EIF2B3: variants seen among roughly 807,000 people sequenced by gnomAD.
EIF2B3 encodes eukaryotic translation initiation factor 2B subunit gamma, also known as translation initiation factor eIF2B subunit gamma.
A neutral mutation model predicts 54.1 loss-of-function variants in EIF2B3; 20 were observed. The ratio of observed to expected loss-of-function variants is 0.37; its 90% confidence interval spans 0.26 to 0.54. The LOEUF is 0.54. Among genes scored for constraint, EIF2B3 ranks in the 20% least tolerant of loss-of-function variants. The probability of loss-of-function intolerance (pLI) is 0.86; values close to 1 mark genes in which losing one functional copy is unlikely to be tolerated. For synonymous variants in EIF2B3, 153 were observed against 188.1 expected (o/e 0.81, Z 1.52); for missense variants, 448 against 547.8 (o/e 0.82, Z 1.82).
chr1:44,908,341 A>G (rs1439860329), intron 5 of EIF2B3, among the ~76,000 whole-genome samples: 1 of 152,230 alleles, frequency 6.6e-6, no homozygotes, highest in Non-Finnish European at 1.5e-5. Flanking sequence ...TATATAGGGG[A>G]GCACAAAGGA....
chr1:44,977,085 TA>T (rs1426566714), intron 3 of EIF2B3, among the ~76,000 whole-genome samples: 11 of 152,186 alleles, frequency 7.2e-5, no homozygotes, highest in African/African-American at 2.7e-4. Flanking sequence ...CGGTTGAAAA[TA>T]ACACATCCGT....
At chr1:44,927,341 AG>A (rs1338453271) in intron 4 of EIF2B3, among the ~76,000 whole-genome samples, 1 of 152,136 alleles carries the variant, frequency 6.6e-6, no homozygotes, top group African/African-American at 2.4e-5. Context: ...TCATGGCAGA[AG>A]GTAAAGCGAG....
At chr1:44,882,637 G>C (rs1353341576) in intron 6 of EIF2B3, among the ~76,000 whole-genome samples, 2 of 147,150 alleles carry the variant, frequency 1.4e-5, no homozygotes, top group Non-Finnish European at 3.0e-5. Context: ...TTTTTTTTGA[G>C]ACAGTCTTGC....
intron 11 of EIF2B3, among the ~76,000 whole-genome samples, chr1:44,853,348 C>T (rs1348912567): frequency 6.6e-6 from 1 of 152,036 alleles, no homozygotes; most frequent in Non-Finnish European, 1.5e-5. Flanking sequence ...TGGTGGCTCG[C>T]TCCTGCAATC....
chr1:44,984,795 A>ATTTTTTTTTTTTTTTTTTTTTTTTT (rs1557718636), intron 1 of EIF2B3, among the ~76,000 whole-genome samples: 1 of 80,444 alleles, frequency 1.2e-5, no homozygotes, highest in Non-Finnish European at 2.1e-5. Flanking sequence ...AATAATGTCC[A>ATTTTTTTTTTTTTTTTTTTTTTTTT]TCTTTTTTTT....
chr1:44,914,404 G>A (rs1362385228), intron 5 of EIF2B3, among the ~76,000 whole-genome samples: 3 of 151,920 alleles, frequency 2.0e-5, no homozygotes, highest in Non-Finnish European at 4.4e-5. Flanking sequence ...CAGGTGATCC[G>A]TCCACCTCGG....
intron 8 of EIF2B3, among the ~76,000 whole-genome samples, chr1:44,878,344 C>T (rs946801721): frequency 2.0e-5 from 3 of 152,108 alleles, no homozygotes; most frequent in Non-Finnish European, 4.4e-5. Context: ...CTTACTGCAA[C>T]CTCCACCTAT....
chr1:44,961,309 C>T (rs866333861), intron 3 of EIF2B3, among the ~76,000 whole-genome samples: 26 of 139,270 alleles, frequency 1.9e-4, no homozygotes, highest in Admixed American at 4.4e-4. Flanking sequence ...AGAGTGAGAC[C>T]CTGTCTCAAA....
At chr1:44,939,579 T>A (rs559826908) in intron 4 of EIF2B3, among the ~76,000 whole-genome samples, 21 of 152,308 alleles carry the variant, frequency 1.4e-4, no homozygotes, top group African/African-American at 2.6e-4. Context: ...CTGTTTAATT[T>A]AATTATTCCA....
chr1:44,898,628 G>A (rs1443354534), intron 5 of EIF2B3, among the ~76,000 whole-genome samples: 1 of 152,046 alleles, frequency 6.6e-6, no homozygotes, highest in Admixed American at 6.6e-5. Flanking sequence ...AGTCATAGAT[G>A]CCTGGTTGTC....
At chr1:44,973,319 G>A (rs928979105) in intron 3 of EIF2B3, among the ~76,000 whole-genome samples, 2 of 152,344 alleles carry the variant, frequency 1.3e-5, no homozygotes, top group Non-Finnish European at 2.9e-5. Flanking sequence ...ATGGATGAAT[G>A]GCTAAGCAAA....
intron 10 of EIF2B3, among the ~76,000 whole-genome samples, chr1:44,867,550 A>AT (rs952474088): frequency 4.6e-5 from 7 of 152,076 alleles, no homozygotes; most frequent in Non-Finnish European, 1.0e-4. Context: ...CTTCTGAACA[A>AT]TTTTATGCTC....
intron 11 of EIF2B3, 63 bp from the exon 12 acceptor site, chr1:44,851,066 C>A: frequency 3.0e-5 from 46 of 1,553,192 alleles, no homozygotes; most frequent in Non-Finnish European, 3.8e-5. Flanking sequence ...TCAAACCCAA[C>A]TGCTTTTTTT....
chr1:44,920,369 T>C (rs448608), intron 5 of EIF2B3, among the ~76,000 whole-genome samples: 139,195 of 152,240 alleles, frequency 0.91, 63,840 homozygotes, highest in East Asian at 1. Flanking sequence ...AGCATTTATC[T>C]TTTGTGTGAC....
intron 5 of EIF2B3, among the ~76,000 whole-genome samples, chr1:44,910,372 T>G (rs1643487312): frequency 6.6e-6 from 1 of 152,168 alleles, no homozygotes; most frequent in Non-Finnish European, 1.5e-5. Flanking sequence ...AGTAACAAGC[T>G]CCTTCTACCA....
Position 44,911,813 on chromosome 1 carries a change from C to T in EIF2B3, c.567-14369G>A, listed in dbSNP as rs547204382. ...TGCTGGTGCGCTGCACCCACTAACTCGTCATCTAGCATTAGGTATATCTCC... is the reference window on the plus strand; with the variant it reads ...TGCTGGTGCGCTGCACCCACTAACTTGTCATCTAGCATTAGGTATATCTCC... On this transcript the variant is annotated intron_variant, in intron 5 of 11. Transcript: ENST00000360403. Among the ~76,000 whole-genome samples the T allele has an allele frequency of 1.3e-4, 19 of 151,272 alleles. No homozygotes were observed. In the East Asian group the frequency reaches 3.1e-3, roughly 25 times the overall value.
chr1:44,980,880 T>C, intron 2 of EIF2B3, 141 bp downstream of exon 2: 1 of 970,310 alleles, frequency 1.0e-6, no homozygotes, highest in South Asian at 1.3e-5. Flanking sequence ...AGCAATAGAG[T>C]ACTCCTACAT....
chr1:44,875,164 C>G (rs1228179651), intron 9 of EIF2B3, among the ~76,000 whole-genome samples: 1 of 152,108 alleles, frequency 6.6e-6, no homozygotes, highest in African/African-American at 2.4e-5. Context: ...TGCACTCCAG[C>G]CTGGGCAACA....
intron 6 of EIF2B3, among the ~76,000 whole-genome samples, chr1:44,894,658 C>G (rs1213006096): frequency 6.6e-6 from 1 of 152,032 alleles, no homozygotes; most frequent in East Asian, 1.9e-4. Flanking sequence ...TAAAATATAA[C>G]AAAGGATTGC....
Sources: allele counts gnomAD v4.1 joint callset (sites outside exome capture counted in the v4.1 genomes callset), GRCh38; gene constraint gnomAD v4.1.1; transcripts MANE v1.5; gene names NCBI Gene and HGNC (gene_info 2026-07-23, HGNC 2026-07-21).